Variants in RPH3A observed in about 807,000 individuals in gnomAD.
RPH3A encodes the protein rabphilin 3A.
In RPH3A, 48 loss-of-function variants were observed where a neutral mutation model predicts 102.2. The ratio of observed to expected loss-of-function variants is 0.47; its 90% confidence interval spans 0.37 to 0.60. The LOEUF (loss-of-function observed/expected upper bound fraction) is 0.60, where lower values mean the gene tolerates loss of function less well. Ranked by LOEUF, RPH3A falls within the 20% of genes least tolerant of loss-of-function variation. The pLI, the probability that RPH3A is intolerant of heterozygous loss-of-function variation, is 0.00. For missense variants in RPH3A, 781 were observed against 910.1 expected (o/e 0.86, Z 1.83); for synonymous variants, 310 against 324.3 (o/e 0.96, Z 0.47).
intron 1 of RPH3A, among the ~76,000 whole-genome samples, chr12:112,734,050 G>GA (rs1224543077): frequency 1.3e-5 from 2 of 152,106 alleles, no homozygotes; most frequent in Admixed American, 6.5e-5. Flanking sequence ...TTATACAGAT[G>GA]AAAAAAACGA....
At chr12:112,632,129 C>T (rs1483798108) in intron 1 of RPH3A, among the ~76,000 whole-genome samples, 1 of 152,146 alleles carries the variant, frequency 6.6e-6, no homozygotes, top group East Asian at 1.9e-4. Context: ...TTCCCCTGCA[C>T]AAGCTCTCTC....
At chr12:112,825,454 A>C (rs1268642063) in intron 2 of RPH3A, among the ~76,000 whole-genome samples, 1 of 152,148 alleles carries the variant, frequency 6.6e-6, no homozygotes, top group Non-Finnish European at 1.5e-5. Flanking sequence ...CCTACAGGGA[A>C]ATCAGGACCC....
intron 10 of RPH3A, among the ~76,000 whole-genome samples, chr12:112,870,466 G>C (rs115570826): frequency 1.1e-4 from 16 of 152,218 alleles, no homozygotes; most frequent in African/African-American, 3.6e-4. Flanking sequence ...GGATGTCACT[G>C]ACATGTGCTC....
chr12:112,678,880 T>A (rs1319413323), intron 1 of RPH3A, among the ~76,000 whole-genome samples: 1 of 152,196 alleles, frequency 6.6e-6, no homozygotes, highest in African/African-American at 2.4e-5. Flanking sequence ...GATAGAGCCC[T>A]GGAGCCTGTG....
At chr12:112,674,056 G>A (rs2040154443) in intron 1 of RPH3A, among the ~76,000 whole-genome samples, 1 of 152,060 alleles carries the variant, frequency 6.6e-6, no homozygotes, top group Non-Finnish European at 1.5e-5. Flanking sequence ...ACAGCACTCA[G>A]CCTATTTTTT....
intron 1 of RPH3A, among the ~76,000 whole-genome samples, chr12:112,766,236 A>G (rs7132204): frequency 0.49 from 74,214 of 151,942 alleles, 19,110 homozygotes; most frequent in East Asian, 0.7. Context: ...TATGGATGGC[A>G]ACACCAAATA....
intron 19 of RPH3A, among the ~76,000 whole-genome samples, chr12:112,891,691 C>T (rs972319961): frequency 1.3e-5 from 2 of 152,164 alleles, no homozygotes; most frequent in African/African-American, 4.8e-5. Context: ...AGGGAGTCCT[C>T]AAGCCAAAAC....
chr12:112,659,503 A>G lies in RPH3A; in HGVS notation c.-140+84184A>G, dbSNP rs561008219. On this transcript the variant is annotated intron_variant, in intron 1 of 21. Coordinates refer to the RPH3A transcript ENST00000543106. Reference sequence around the variant, plus strand: ...AGAAGGGATGCTGGTTTCTCCTTGCATCTTGTGGGGTGGCACATGATTTTG... The same window carrying G: ...AGAAGGGATGCTGGTTTCTCCTTGCGTCTTGTGGGGTGGCACATGATTTTG... 2.6e-5 allele frequency among the ~76,000 whole-genome samples: 4 copies of G among 152,336 alleles called. No individual in the cohort carries two copies. In the East Asian group the frequency reaches 5.8e-4, roughly 22 times the overall value.
At chr12:112,667,117 C>T in intron 1 of RPH3A, among the ~76,000 whole-genome samples, 1 of 152,168 alleles carries the variant, frequency 6.6e-6, no homozygotes, top group African/African-American at 2.4e-5. Context: ...AGTGCCTCAC[C>T]TCTTCTGCTG....
intron 1 of RPH3A, among the ~76,000 whole-genome samples, chr12:112,649,157 T>C (rs1350333501): frequency 6.6e-6 from 1 of 152,256 alleles, no homozygotes; most frequent in African/African-American, 2.4e-5. Flanking sequence ...TGTGTGGTTC[T>C]TTGATGTAGA....
chr12:112,724,167 C>T (rs2040571014), intron 1 of RPH3A, among the ~76,000 whole-genome samples: 2 of 151,276 alleles, frequency 1.3e-5, no homozygotes, highest in Admixed American at 1.3e-4. Context: ...AGTGATCCTC[C>T]TGCCTCAGCC....
At chr12:112,732,127 A>G (rs1197636790) in intron 1 of RPH3A, among the ~76,000 whole-genome samples, 1 of 152,186 alleles carries the variant, frequency 6.6e-6, no homozygotes, top group Non-Finnish European at 1.5e-5. Flanking sequence ...CATGAACTTC[A>G]GTGTTCTCTG....
chr12:112,709,659 A>G (rs2040447052), intron 1 of RPH3A, among the ~76,000 whole-genome samples: 1 of 152,052 alleles, frequency 6.6e-6, no homozygotes, highest in African/African-American at 2.4e-5. Flanking sequence ...GCACTGTGCT[A>G]TATACCAGTG....
At chr12:112,634,855 C>T (rs1334614897) in intron 1 of RPH3A, among the ~76,000 whole-genome samples, 1 of 152,182 alleles carries the variant, frequency 6.6e-6, no homozygotes, top group African/African-American at 2.4e-5. Flanking sequence ...CTGTCTTTAG[C>T]AAACAGACAG....
intron 14 of RPH3A, among the ~76,000 whole-genome samples, chr12:112,880,248 G>T (rs757399): frequency 0.49 from 74,129 of 151,908 alleles, 19,137 homozygotes; most frequent in African/African-American, 0.65. Flanking sequence ...TGGGCACCTA[G>T]AATATATCAT....
chr12:112,818,721 T>C (rs1335056133), intron 2 of RPH3A, among the ~76,000 whole-genome samples: 1 of 152,162 alleles, frequency 6.6e-6, no homozygotes, highest in Non-Finnish European at 1.5e-5. Context: ...ACCACACAGA[T>C]TGATACTGAG....
chr12:112,839,039 A>G (rs1012394249), intron 4 of RPH3A, among the ~76,000 whole-genome samples: 2 of 152,048 alleles, frequency 1.3e-5, no homozygotes, highest in South Asian at 4.2e-4. Flanking sequence ...GATTCTTGGC[A>G]ATTCCCTTTC....
intron 1 of RPH3A, among the ~76,000 whole-genome samples, chr12:112,636,925 G>A (rs2039852777): frequency 6.6e-6 from 1 of 152,086 alleles, no homozygotes; most frequent in South Asian, 2.1e-4. Flanking sequence ...ATGTGGAGGA[G>A]GGGCCCCCAT....
chr12:112,740,996 C>A (rs573348134), intron 1 of RPH3A, among the ~76,000 whole-genome samples: 1 of 152,144 alleles, frequency 6.6e-6, no homozygotes, highest in African/African-American at 2.4e-5. Context: ...AGTCACTTCT[C>A]GTGTGGAATT....
Sources: allele counts gnomAD v4.1 joint callset (sites outside exome capture counted in the v4.1 genomes callset), GRCh38; gene constraint gnomAD v4.1.1; transcripts MANE v1.5; gene names NCBI Gene and HGNC (gene_info 2026-07-23, HGNC 2026-07-21).